PTPRR: variants seen among roughly 807,000 people sequenced by gnomAD.
PTPRR encodes the protein receptor-type tyrosine-protein phosphatase R.
PTPRR carries 38 observed loss-of-function variants against 77.2 expected under a neutral mutation model. That is an observed-to-expected ratio of 0.49 (90% confidence interval 0.38 to 0.65). The LOEUF (loss-of-function observed/expected upper bound fraction) is 0.65. PTPRR is among the 30% of genes least tolerant of loss of function. The probability of loss-of-function intolerance (pLI) is 0.00; values close to 1 mark genes in which losing one functional copy is unlikely to be tolerated. For missense variants in PTPRR, 744 were observed against 799.2 expected, an observed-to-expected ratio of 0.93 and a Z score of 0.83; for synonymous variants, 299 against 283.1, an observed-to-expected ratio of 1.06 and a Z score of -0.57.
intron 13 of PTPRR, among the ~76,000 whole-genome samples, chr12:70,641,314 G>A (rs887346608): frequency 6.6e-6 from 1 of 152,184 alleles, no homozygotes; most frequent in Non-Finnish European, 1.5e-5. Context: ...TGGTCTGTCA[G>A]CTTCCTCTCA....
At chr12:70,650,749 C>T (rs1886366314) in intron 13 of PTPRR, among the ~76,000 whole-genome samples, 2 of 152,142 alleles carry the variant, frequency 1.3e-5, no homozygotes, top group Non-Finnish European at 2.9e-5. Flanking sequence ...GCCTGTTCCA[C>T]AGAACACAGG....
Position 70,753,306 on chromosome 12 carries a change from TG to T in PTPRR, c.738+884del, listed in dbSNP as rs539590072. Among the ~76,000 whole-genome samples, 139 of 152,232 alleles carry T rather than the reference TG, an allele frequency of 9.1e-4. 1 individual carries two copies. Among genetic ancestry groups the T allele is most frequent in the African/African-American group, 3.3e-3 (136 of 41,564 alleles). ...AAACACTTAGCAACATTGTTGATTG[TG>T]GAGAGAAATAAGTAACATAATGACT... On this transcript the variant is annotated intron_variant, in intron 5 of 13. Transcript: ENST00000283228.
At chr12:70,867,346 A>C (rs1053242769) in intron 2 of PTPRR, among the ~76,000 whole-genome samples, 32 of 151,406 alleles carry the variant, frequency 2.1e-4, no homozygotes, top group Non-Finnish European at 3.6e-4. Context: ...GCAAAGTCTC[A>C]GGATACAAAA....
At chr12:70,865,188 C>T (rs946761367) in intron 2 of PTPRR, among the ~76,000 whole-genome samples, 5 of 151,814 alleles carry the variant, frequency 3.3e-5, no homozygotes, top group African/African-American at 9.7e-5. Context: ...CCATGTAAGA[C>T]GTGCCTTTTG....
chr12:70,766,253 T>G (rs183250778), intron 2 of PTPRR, among the ~76,000 whole-genome samples: 3,508 of 152,154 alleles, frequency 0.023, 154 homozygotes, highest in African/African-American at 0.079. Context: ...GGCAAAGAAG[T>G]TGAAAACTTT....
At chr12:70,714,023 T>G (rs1471301806) in intron 6 of PTPRR, among the ~76,000 whole-genome samples, 1 of 152,054 alleles carries the variant, frequency 6.6e-6, no homozygotes, top group Non-Finnish European at 1.5e-5. Context: ...TCTTATCCCA[T>G]CAGTTATGGA....
chr12:70,860,969 G>A (rs1052925702), intron 2 of PTPRR, among the ~76,000 whole-genome samples: 5 of 151,968 alleles, frequency 3.3e-5, no homozygotes, highest in Non-Finnish European at 7.4e-5. Context: ...ACTTAGTGCT[G>A]GAAATAGTAT....
At chr12:70,839,396 A>G (rs1892357527) in intron 2 of PTPRR, among the ~76,000 whole-genome samples, 1 of 126,010 alleles carries the variant, frequency 7.9e-6, no homozygotes, top group Non-Finnish European at 1.6e-5. Flanking sequence ...AACTCAGATG[A>G]CTTATATTAC....
At chr12:70,843,562 C>A (rs1488337286) in intron 2 of PTPRR, among the ~76,000 whole-genome samples, 1 of 152,118 alleles carries the variant, frequency 6.6e-6, no homozygotes, top group Non-Finnish European at 1.5e-5. Flanking sequence ...CTTGCCGAGG[C>A]CTGCTGACAA....
At chr12:70,768,820 T>G (rs2136977640) in intron 2 of PTPRR, among the ~76,000 whole-genome samples, 1 of 151,940 alleles carries the variant, frequency 6.6e-6, no homozygotes, top group South Asian at 2.1e-4. Context: ...CATGATCAAG[T>G]GGGCTTCATC....
At chr12:70,858,183 C>G (rs561965265) in intron 2 of PTPRR, among the ~76,000 whole-genome samples, 1 of 151,906 alleles carries the variant, frequency 6.6e-6, no homozygotes, top group East Asian at 1.9e-4. Context: ...TTAATTGATT[C>G]TTTCTTTTTT....
intron 12 of PTPRR, 130 bp from the exon 13 acceptor site, chr12:70,656,947 C>T (rs1179613288): frequency 1.7e-6 from 1 of 602,136 alleles, no homozygotes; most frequent in Non-Finnish European, 2.9e-6. Flanking sequence ...GTATTATAAA[C>T]CTGGCCCTGT....
rs1201479905 is a variant in PTPRR at position 70,788,722 on chromosome 12, A to G, written c.358-23944T>C. On this transcript the variant is annotated intron_variant, in intron 2 of 13. Coordinates refer to ENST00000283228, the MANE Select transcript of PTPRR (RefSeq NM_002849.4). ...TGCTGACTCATTTTTCTACATTTAC[A>G]TGAACAGATATAGACATAAATCTTA... 1.9e-5 allele frequency: 17 copies of G among 872,048 alleles called. No individual in the cohort carries two copies. In the Middle Eastern group the frequency reaches 8.5e-4, roughly 44 times the overall value. 54.0% of individuals were successfully genotyped at this position (872,048 alleles called of 1,614,324 possible).
chr12:70,697,991 T>C (rs61932463), intron 8 of PTPRR, among the ~76,000 whole-genome samples: 1 of 152,130 alleles, frequency 6.6e-6, no homozygotes, highest in Admixed American at 6.6e-5. Flanking sequence ...AAATTTGATA[T>C]GAAGTGGGTG....
At chr12:70,681,921 C>T (rs549229494) in intron 10 of PTPRR, among the ~76,000 whole-genome samples, 89 of 151,332 alleles carry the variant, frequency 5.9e-4, no homozygotes, top group African/African-American at 2.0e-3. Context: ...TCTGTGATTT[C>T]TCAGCTTTAA....
chr12:70,708,214 ACC>A (rs2136804777), intron 6 of PTPRR, among the ~76,000 whole-genome samples: 1 of 152,240 alleles, frequency 6.6e-6, no homozygotes, highest in South Asian at 2.1e-4. Flanking sequence ...CTCCTGTTGT[ACC>A]CAGTCATGAA....
In PTPRR at chr12:70,672,111, T is replaced by A. The variant is rs1887250057; in HGVS notation, c.1498-9506A>T. Reference sequence around the variant, plus strand: ...GCCTTTGACTCTATGCTCCCCAAAATGATGACACAGTTCCTAGAGCAGGGA... The same window carrying A: ...GCCTTTGACTCTATGCTCCCCAAAAAGATGACACAGTTCCTAGAGCAGGGA... On this transcript the variant is annotated intron_variant, in intron 10 of 13. Coordinates refer to ENST00000283228, the MANE Select transcript of PTPRR (RefSeq NM_002849.4). The A allele has an allele frequency of 4.3e-6, 6 of 1,393,530 alleles. No individual in the cohort carries two copies. The Middle Eastern group carries it at 9.0e-4, about 209-fold the overall frequency. 86.3% of individuals were successfully genotyped at this position (1,393,530 alleles called of 1,614,324 possible). A position where few individuals can be genotyped will look rare whatever the true frequency, so the allele number is the denominator to read the frequency against.
chr12:70,708,543 T>A (rs1287705004), intron 6 of PTPRR, among the ~76,000 whole-genome samples: 1 of 152,082 alleles, frequency 6.6e-6, no homozygotes, highest in Non-Finnish European at 1.5e-5. Context: ...CTTTGTTTTG[T>A]AACCAAGGAT....
At chr12:70,863,336 A>G (rs73332161) in intron 2 of PTPRR, among the ~76,000 whole-genome samples, 18,552 of 152,108 alleles carry the variant, frequency 0.12, 2,134 homozygotes, top group African/African-American at 0.31. Context: ...TCAACAATCT[A>G]TTCACACCAG....
Sources: allele counts gnomAD v4.1 joint callset (sites outside exome capture counted in the v4.1 genomes callset), GRCh38; gene constraint gnomAD v4.1.1; transcripts MANE v1.5; gene names NCBI Gene and HGNC (gene_info 2026-07-23, HGNC 2026-07-21).